SLC16A7: variants seen among roughly 807,000 people sequenced by gnomAD.
The protein encoded by SLC16A7 is monocarboxylate transporter 2.
SLC16A7 carries 33 observed loss-of-function variants against 34.9 expected under a neutral mutation model. That is an observed-to-expected ratio of 0.94 (90% CI 0.72 to 1.26). SLC16A7 has a LOEUF of 1.26. Ranked by LOEUF, SLC16A7 falls within the 50% of genes most tolerant of loss-of-function variation. The probability of loss-of-function intolerance (pLI) is 0.00; values close to 1 mark genes in which losing one functional copy is unlikely to be tolerated. For synonymous variants in SLC16A7, 201 were observed against 206.6 expected (o/e 0.97, Z 0.23); for missense variants, 573 against 578.1 (o/e 0.99, Z 0.09).
rs183412745 is a variant in SLC16A7, at chr12:59,786,428, G to A, written c.*6749G>A. ...GTACACATTTTTTTTCTCATCCTCC[G>A]AATCTCAAGAGTACATATTTCTGAC... On this transcript the variant is annotated 3_prime_UTR_variant, in exon 6 of 6. Coordinates refer to ENST00000547379, the MANE Select transcript of SLC16A7 (RefSeq NM_001270623.2). 67 of 151,638 alleles carry A rather than the reference G, an allele frequency of 4.4e-4. 3 individuals are homozygous for A. Among genetic ancestry groups the A allele is most frequent in the African/African-American group, 1.3e-3 (55 of 41,416 alleles). 9.4% of individuals were successfully genotyped at this position (151,638 alleles called of 1,614,324 possible). A position where few individuals can be genotyped will look rare whatever the true frequency, so the allele number is the denominator to read the frequency against.
intron 2 of SLC16A7, among the ~76,000 whole-genome samples, chr12:59,667,468 A>G (rs1281697797): frequency 6.6e-6 from 1 of 152,152 alleles, no homozygotes; most frequent in Admixed American, 6.5e-5. Context: ...CTTGTTGGGA[A>G]TTGGAGTAAA....
chr12:59,645,006 G>A (rs1158981813), intron 1 of SLC16A7, among the ~76,000 whole-genome samples: 3 of 152,114 alleles, frequency 2.0e-5, no homozygotes, highest in South Asian at 4.1e-4. Flanking sequence ...AACATTATGA[G>A]CCTTCCCTAT....
At chr12:59,613,545 C>T (rs554467455) in intron 1 of SLC16A7, among the ~76,000 whole-genome samples, 34 of 152,288 alleles carry the variant, frequency 2.2e-4, no homozygotes, top group Admixed American at 1.3e-3. Context: ...ATGAGTGGAA[C>T]TTTTCTTTGC....
chr12:59,720,289 CTA>C (rs1215623889), intron 3 of SLC16A7: 1 of 509,452 alleles, frequency 2.0e-6, no homozygotes, highest in African/African-American at 2.0e-5. Context: ...TAAATTTGGT[CTA>C]TGTTTTCTTG....
chr12:59,641,825 T>C (rs1204678449), intron 1 of SLC16A7, among the ~76,000 whole-genome samples: 1 of 152,024 alleles, frequency 6.6e-6, no homozygotes, highest in East Asian at 1.9e-4. Context: ...ACTTTCTTTT[T>C]ATAGAATGTC....
intron 3 of SLC16A7, among the ~76,000 whole-genome samples, chr12:59,708,894 T>C (rs937753573): frequency 2.6e-5 from 4 of 151,678 alleles, no homozygotes; most frequent in Non-Finnish European, 4.4e-5. Flanking sequence ...CTTAGAATAA[T>C]GGCATCACAT....
At chr12:59,735,961 C>T (rs759977167) in intron 3 of SLC16A7, 3 of 1,202,418 alleles carry the variant, frequency 2.5e-6, no homozygotes, top group Admixed American at 5.0e-5. Context: ...CATCATTCAC[C>T]CTTTAAAGAG....
chr12:59,602,596 G>T (rs752622379), intron 1 of SLC16A7, among the ~76,000 whole-genome samples: 3 of 146,856 alleles, frequency 2.0e-5, no homozygotes, highest in Non-Finnish European at 4.4e-5. Flanking sequence ...TGATTCTCCT[G>T]CCCCAGCCTC....
At chr12:59,664,993 T>C (rs1189121936) in intron 2 of SLC16A7, 9 of 152,176 alleles carry the variant, frequency 5.9e-5, no homozygotes, top group African/African-American at 4.8e-5. Context: ...GTAGTTTAGA[T>C]TATAGAGATG....
intron 3 of SLC16A7, among the ~76,000 whole-genome samples, chr12:59,749,915 C>T (rs1288395178): frequency 6.6e-6 from 1 of 152,008 alleles, no homozygotes; most frequent in African/African-American, 2.4e-5. Context: ...GTTTCCAAAC[C>T]AGCGCCAGAC....
At chr12:59,680,889 C>G (rs1870693948) in intron 2 of SLC16A7, among the ~76,000 whole-genome samples, 2 of 152,246 alleles carry the variant, frequency 1.3e-5, no homozygotes, top group East Asian at 3.9e-4. Flanking sequence ...TAAATTCCTC[C>G]ACCAAATATT....
intron 1 of SLC16A7, among the ~76,000 whole-genome samples, chr12:59,645,926 C>G (rs1868247844): frequency 6.6e-6 from 1 of 152,056 alleles, no homozygotes; most frequent in African/African-American, 2.4e-5. Context: ...TCTTGCTATG[C>G]AAAGAGACCA....
chr12:59,742,020 G>A (rs1418304618), intron 3 of SLC16A7, among the ~76,000 whole-genome samples: 2 of 152,126 alleles, frequency 1.3e-5, no homozygotes, highest in Non-Finnish European at 2.9e-5. Context: ...CGGGTGATTT[G>A]GGGTGTTTAA....
chr12:59,704,925 G>A lies in SLC16A7; in HGVS notation c.124G>A (p.Val42Ile), dbSNP rs150567250. 2.5e-5 allele frequency: 41 copies of A among 1,613,084 alleles called. No homozygotes were observed. The highest frequency in any genetic ancestry group is 5.0e-5 in the Admixed American group (3 of 59,974). The change falls in exon 3 of 6, where the codon GTA (valine) becomes ATA (isoleucine). Residue 42 changes from valine to isoleucine, a missense_variant. Physicochemically the swap from Val to Ile is conservative, Grantham distance 29. Transcript: ENST00000547379. The stretch of plus-strand genomic sequence containing the variant: ...CTATGCATTCCCCAAAGCTGTCACC[G>A]TATTCTTCAAAGAAATTCAGCAAAT... Reference protein sequence around the residue: ...FSYAFPKAVTVFFKEIQQIFH... With the variant: ...FSYAFPKAVTIFFKEIQQIFH...
At chr12:59,672,944 T>G (rs1232291581) in intron 2 of SLC16A7, among the ~76,000 whole-genome samples, 1 of 152,172 alleles carries the variant, frequency 6.6e-6, no homozygotes, top group Non-Finnish European at 1.5e-5. Context: ...TACTTTATAG[T>G]AGTCCAAGGA....
chr12:59,704,023 G>A (rs1289040193), intron 2 of SLC16A7, among the ~76,000 whole-genome samples: 2 of 151,212 alleles, frequency 1.3e-5, no homozygotes, highest in African/African-American at 2.4e-5. Context: ...CCAACATGAC[G>A]AAACCCCATC....
At chr12:59,755,542 C>T (rs555872953) in intron 3 of SLC16A7, among the ~76,000 whole-genome samples, 1 of 152,254 alleles carries the variant, frequency 6.6e-6, no homozygotes, top group Admixed American at 6.5e-5. Context: ...AGGAATCCAC[C>T]TTACAAGGGA....
chr12:59,704,199 C>CAAAAAAAAAAAAAAA (rs34021022), intron 2 of SLC16A7, among the ~76,000 whole-genome samples: 35 of 51,612 alleles, frequency 6.8e-4, no homozygotes, highest in South Asian at 8.3e-4. Flanking sequence ...GACTCTGTCT[C>CAAAAAAAAAAAAAAA]AAAAAAAAAA....
chr12:59,709,839 C>T (rs1299446528), intron 3 of SLC16A7, among the ~76,000 whole-genome samples: 1 of 151,576 alleles, frequency 6.6e-6, no homozygotes, highest in African/African-American at 2.4e-5. Context: ...CTATATTTCC[C>T]AGCTTTCCTC....
Sources: gnomAD v4.1 joint callset for allele counts (sites outside exome capture counted in the v4.1 genomes callset) on GRCh38, gnomAD v4.1.1 for gene constraint, MANE v1.5 for transcripts, NCBI Gene and HGNC (gene_info 2026-07-23, HGNC 2026-07-21) for gene names.